CHADL: variants seen among roughly 807,000 people sequenced by gnomAD.
CHADL encodes the protein chondroadherin like.
In CHADL, 48 loss-of-function variants were observed where a neutral mutation model predicts 52.1. That is an observed-to-expected ratio of 0.92 (90% CI 0.73 to 1.17). CHADL has a LOEUF of 1.17. Ranked by LOEUF, CHADL falls within the 50% of genes most tolerant of loss-of-function variation. The pLI, the probability that CHADL is intolerant of heterozygous loss-of-function variation, is 0.00. For missense variants in CHADL, 977 were observed against 1,035.1 expected (o/e 0.94, Z 0.77); for synonymous variants, 498 against 511.2 (o/e 0.97, Z 0.35).
chr22:41,229,864 C>T, intron 5 of CHADL, 134 bp from the exon 6 acceptor site: 1 of 831,410 alleles, frequency 1.2e-6, no homozygotes, highest in Non-Finnish European at 2.0e-6. Flanking sequence ...CTAGCCCGGC[C>T]CCGGCCCCTC....
rs1165244580 is a variant in CHADL, at chr22:41,238,483, G to A, written c.589C>T (p.Leu197=). 7.2e-6 allele frequency: 11 copies of A among 1,535,450 alleles called. No individual in the cohort carries two copies. The highest frequency in any genetic ancestry group is 2.7e-5 in the African/African-American group (2 of 72,948). ...LRLSHNALSV[L]APEALAGLPA... ...AGGCCAGCCAGGGCCTCGGGGGCCAGCACGCTGAGCGCGTTGTGCGACAGC... is the reference window on the plus strand; with the variant it reads ...AGGCCAGCCAGGGCCTCGGGGGCCAACACGCTGAGCGCGTTGTGCGACAGC... Residue 197 remains leucine (L), a synonymous_variant, in exon 3 of 6, where the codon CTG becomes TTG. Coordinates refer to ENST00000216241, the MANE Select transcript of CHADL (RefSeq NM_138481.2). This position sits in a 1 kb window ranked among gnomAD's most constrained non-coding sequence, Gnocchi z 4.9.
In CHADL at chr22:41,237,495, A is replaced by G; in HGVS notation, c.1577T>C (p.Leu526Pro). Residue 526 changes from leucine (L) to proline (P), a missense_variant, in exon 3 of 6, where the codon CTG (leucine) becomes CCG (proline). Physicochemically the swap from Leu to Pro is moderately conservative, Grantham distance 98 (BLOSUM62 -3). Transcript: ENST00000216241. ...ALRALPSLFS[L>P]HLQDNAVDRL... ...GTCCACAGCGTTGTCCTGCAGGTGC[A>G]GGGAGAAGAGGCTGGGCAGGGCGCG... 2 of 1,550,520 alleles carry G rather than the reference A, an allele frequency of 1.3e-6. No homozygotes were observed. Among genetic ancestry groups the G allele is most frequent in the South Asian group, 2.4e-5 (2 of 84,066 alleles).
chr22:41,235,251 A>T lies in CHADL; in HGVS notation c.2156T>A (p.Phe719Tyr), dbSNP rs962398782. The change falls in exon 5 of 6, where the codon TTT becomes TAT. Residue 719 changes from phenylalanine (F) to tyrosine (Y), a missense_variant. Transcript: ENST00000216241. ...GQRVKAAAAV[F>Y]EDCPGWAARK... ...GGCAGCCCAGCCCGGGCAGTCTTCA[A>T]AGACAGCAGCTGCAGCCTTCACCCT... 1.0e-5 allele frequency: 16 copies of T among 1,551,426 alleles called. No individual in the cohort carries two copies. Among genetic ancestry groups the T allele is most frequent in the Non-Finnish European group, 1.4e-5 (16 of 1,147,006 alleles).
chr22:41,234,816 G>A (rs1008645619), intron 5 of CHADL, among the ~76,000 whole-genome samples: 4 of 152,116 alleles, frequency 2.6e-5, no homozygotes, highest in African/African-American at 7.2e-5. Context: ...GCCTCCCAAA[G>A]TGCTGGGATT....
In CHADL at chr22:41,240,890, G is replaced by GAACT. The variant is rs1291148696; in HGVS notation, c.-13_-10dup. Reference sequence around the variant, plus strand: ...AAGACTCACCCCTCCATGCCGCCTGGAACTGCTGGTCCAGCCTGGAGGCGC... The same window carrying GAACT: ...AAGACTCACCCCTCCATGCCGCCTGGAACTAACTGCTGGTCCAGCCTGGAGGCGC... On this transcript the variant is annotated 5_prime_UTR_variant, in exon 1 of 6. Coordinates refer to ENST00000216241, the MANE Select transcript of CHADL (RefSeq NM_138481.2). 2 of 1,549,792 alleles carry GAACT rather than the reference G, an allele frequency of 1.3e-6. No homozygotes were observed. Among genetic ancestry groups the GAACT allele is most frequent in the African/African-American group, 2.7e-5 (2 of 73,024 alleles).
intron 4 of CHADL, among the ~76,000 whole-genome samples, chr22:41,235,609 C>T (rs1479974411): frequency 6.6e-6 from 1 of 152,208 alleles, no homozygotes; most frequent in East Asian, 1.9e-4. Context: ...ACCTACAAGC[C>T]ACTTCAAGCC....
At chr22:41,230,289 A>G (rs746562744) in intron 5 of CHADL, 2 of 1,507,594 alleles carry the variant, frequency 1.3e-6, no homozygotes, top group South Asian at 2.3e-5. Flanking sequence ...GCTGGAAGCC[A>G]GCCCAGCGTT....
Position 41,238,399 on chromosome 22 carries a change from C to G in CHADL, c.673G>C (p.Val225Leu), listed in dbSNP as rs990945486. 2 of 1,510,044 alleles carry G rather than the reference C, an allele frequency of 1.3e-6. No homozygotes were observed. Among genetic ancestry groups the G allele is most frequent in the African/African-American group, 1.4e-5 (1 of 71,970 alleles). The allele number at this position is 1,510,044 out of a possible 1,614,324, so 93.5% of individuals were successfully genotyped here. A position where few individuals can be genotyped will look rare whatever the true frequency, so the allele number is the denominator to read the frequency against. Residue 225 changes from valine (V) to leucine (L), a missense_variant, in exon 3 of 6, where the codon GTC becomes CTC. By Grantham distance (32) the Val-to-Leu change is conservative. Coordinates refer to ENST00000216241, the MANE Select transcript of CHADL (RefSeq NM_138481.2). The surrounding 1 kb of genome is among the most constrained non-coding windows in gnomAD (Gnocchi z 4.9). ...GCCAGGCCGCGGGCCTGGGACAAGA[C>G]AGGCCCGGGCAGAGCCTGGAGCTCG... ...HNELQALPGP[V>L]LSQARGLARL... is the part of the protein sequence containing the mutation.
At chr22:41,232,143 T>G (rs142912109) in intron 5 of CHADL, among the ~76,000 whole-genome samples, 2,980 of 151,820 alleles carry the variant, frequency 0.02, 111 homozygotes, top group African/African-American at 0.069. Flanking sequence ...CCATCCTGGC[T>G]AACACGATGA....
chr22:41,233,894 T>C (rs906035597), intron 5 of CHADL, among the ~76,000 whole-genome samples: 7 of 152,204 alleles, frequency 4.6e-5, no homozygotes, highest in African/African-American at 1.7e-4. Context: ...AAGAACTTCC[T>C]CTCCCTTTTG....
chr22:41,235,376 T>C (rs1469150021), intron 4 of CHADL, 33 bp from the exon 5 acceptor site: 1 of 1,529,152 alleles, frequency 6.5e-7, no homozygotes, highest in East Asian at 2.5e-5. Flanking sequence ...GAGCTAGCTG[T>C]GCTGATTCTG....
chr22:41,229,617 G>A lies in CHADL; in HGVS notation c.*87C>T. 6.2e-7 allele frequency: 1 copy of A among 1,613,896 alleles called. No homozygotes were observed. Among genetic ancestry groups the A allele is most frequent in the Non-Finnish European group, 8.5e-7 (1 of 1,179,940 alleles). On this transcript the variant is annotated 3_prime_UTR_variant, in exon 6 of 6. Transcript: ENST00000216241. ...GCCCCTGCTGGAGGACGACCCTCAG[G>A]GTGCCAGGAAGATCTCGTCGGAGCC...
intron 5 of CHADL, among the ~76,000 whole-genome samples, chr22:41,233,098 A>G (rs1047532152): frequency 1.3e-5 from 2 of 152,034 alleles, no homozygotes; most frequent in Non-Finnish European, 2.9e-5. Flanking sequence ...TAGATTCCTT[A>G]CAGAAGTAAT....
rs566918832 is a variant in CHADL at position 41,230,317 on chromosome 22, A to G, written c.2263-587T>C. On this transcript the variant is annotated intron_variant, in intron 5 of 5. Transcript: ENST00000216241. ...CCAGCGTTTCTCTACCACCACCACC[A>G]TGCCTCCACCTGACTTTGGCTTGGA... The G allele has an allele frequency of 5.1e-5, 59 of 1,152,914 alleles. No individual in the cohort carries two copies. In the East Asian group the frequency reaches 1.3e-3, roughly 25 times the overall value. The allele number at this position is 1,152,914 out of a possible 1,614,324, so 71.4% of individuals were successfully genotyped here.
In CHADL at chr22:41,238,391, G is replaced by C. The variant is rs1672344288; in HGVS notation, c.681C>G (p.Ser227=). 6.6e-7 allele frequency: 1 copy of C among 1,504,916 alleles called. No homozygotes were observed. Among genetic ancestry groups the C allele is most frequent in the Non-Finnish European group, 8.8e-7 (1 of 1,131,498 alleles). The allele number at this position is 1,504,916 out of a possible 1,614,324, so 93.2% of individuals were successfully genotyped here. The change falls in exon 3 of 6, where the codon TCC becomes TCG. Residue 227 remains serine, a synonymous_variant. Transcript: ENST00000216241. This position sits in a 1 kb window ranked among gnomAD's most constrained non-coding sequence, Gnocchi z 4.9. The part of the protein sequence containing the change: ...ELQALPGPVL[S]QARGLARLEL... ...CCAGACGGGCCAGGCCGCGGGCCTG[G>C]GACAAGACAGGCCCGGGCAGAGCCT...
intron 5 of CHADL, among the ~76,000 whole-genome samples, chr22:41,232,623 A>G (rs1253172333): frequency 6.6e-6 from 1 of 152,196 alleles, no homozygotes; most frequent in Non-Finnish European, 1.5e-5. Context: ...ACTTTCATCA[A>G]AATAACCCAC....
intron 5 of CHADL, among the ~76,000 whole-genome samples, chr22:41,233,113 T>G (rs1601554299): frequency 6.6e-6 from 1 of 152,058 alleles, no homozygotes; most frequent in Non-Finnish European, 1.5e-5. Context: ...AGTAATGAAG[T>G]TAAAATGACA....
rs576076981 is a variant in CHADL at position 41,230,188 on chromosome 22, C to G, written c.2263-458G>C. ...AGCATCTAGACGTGGCCTCGCCCGA[C>G]AAGGCTTCAAGTCCAGAGCTGCCTG... On this transcript the variant is annotated intron_variant, in intron 5 of 5. Transcript: ENST00000216241. The G allele has an allele frequency of 1.9e-5, 31 of 1,613,450 alleles. 1 individual carries two copies. In the South Asian group the frequency reaches 3.1e-4, roughly 16 times the overall value.
chr22:41,238,033 G>C lies in CHADL; in HGVS notation c.1039C>G (p.Leu347Val), dbSNP rs1328575441. The C allele has an allele frequency of 7.8e-7, 1 of 1,279,882 alleles. No homozygotes were observed. The highest frequency in any genetic ancestry group is 3.3e-5 in the East Asian group (1 of 30,276). The allele number at this position is 1,279,882 out of a possible 1,614,324, so 79.3% of individuals were successfully genotyped here. A position where few individuals can be genotyped will look rare whatever the true frequency, so the allele number is the denominator to read the frequency against. The change falls in exon 3 of 6, where the codon CTG (leucine) becomes GTG (valine). Residue 347 changes from leucine to valine, a missense_variant. Leu to Val is a conservative substitution (Grantham distance 32). Transcript: ENST00000216241. This position sits in a 1 kb window ranked among gnomAD's most constrained non-coding sequence, Gnocchi z 4.9. ...QGPRRLRGEALDALRPWDLRC... is the reference protein window; with the variant it reads ...QGPRRLRGEAVDALRPWDLRC... ...AGGTCCCAGGGCCGCAGGGCGTCCAGAGCCTCGCCCCGCAGGCGCCGCGGC... is the reference window on the plus strand; with the variant it reads ...AGGTCCCAGGGCCGCAGGGCGTCCACAGCCTCGCCCCGCAGGCGCCGCGGC...
Sources: gnomAD v4.1 joint callset for allele counts (sites outside exome capture counted in the v4.1 genomes callset) on GRCh38, gnomAD v4.1.1 for gene constraint, Gnocchi (gnomAD v3.1) non-coding constraint, MANE v1.5 for transcripts, NCBI Gene and HGNC (gene_info 2026-07-23, HGNC 2026-07-21) for gene names.